Variants in EML5 observed in about 807,000 individuals in gnomAD.
EML5 encodes EMAP like 5.
A neutral mutation model predicts 250.0 loss-of-function variants in EML5; 120 were observed. The observed-to-expected ratio is 0.48, with a 90% confidence interval of 0.41 to 0.56. The LOEUF is 0.56. EML5 is among the 20% of genes least tolerant of loss of function. The pLI is 0.00. For missense variants in EML5, 2,006 were observed against 2,437.6 expected, an observed-to-expected ratio of 0.82 and a Z score of 3.73; for synonymous variants, 771 against 806.5, an observed-to-expected ratio of 0.96 and a Z score of 0.75.
intron 1 of EML5, among the ~76,000 whole-genome samples, chr14:88,775,505 G>A (rs1464753465): frequency 1.3e-5 from 2 of 151,862 alleles, no homozygotes; most frequent in Admixed American, 1.3e-4. Context: ...GTGGTGGCAG[G>A]CAGTGGCTGT....
At chr14:88,762,750 C>A (rs2094263448) in intron 1 of EML5, among the ~76,000 whole-genome samples, 2 of 152,090 alleles carry the variant, frequency 1.3e-5, no homozygotes, top group African/African-American at 4.8e-5. Context: ...TAATTGACCA[C>A]ATAATTGGAA....
intron 2 of EML5, among the ~76,000 whole-genome samples, chr14:88,752,036 T>C (rs1196084116): frequency 6.6e-6 from 1 of 152,216 alleles, no homozygotes; most frequent in Non-Finnish European, 1.5e-5. Context: ...TCAACACCTT[T>C]AGCTATTATG....
chr14:88,746,368 T>C lies in EML5; in HGVS notation c.358-85A>G. On this transcript the variant is annotated intron_variant, in intron 2 of 43. Coordinates refer to ENST00000554922, the MANE Select transcript of EML5 (RefSeq NM_183387.3). The stretch of plus-strand genomic sequence containing the variant: ...TGAATTACAAATAGCAAAGAAATTA[T>C]ACTCATGGGTTTTTATAAACATAAA... The C allele has an allele frequency of 8.3e-6, 9 of 1,089,238 alleles. 1 individual carries two copies. In the South Asian group the frequency reaches 1.1e-4, roughly 13 times the overall value. 67.5% of individuals were successfully genotyped at this position (1,089,238 alleles called of 1,614,324 possible). A position where few individuals can be genotyped will look rare whatever the true frequency, so the allele number is the denominator to read the frequency against.
chr14:88,789,882 T>C (rs1302481296), intron 1 of EML5, among the ~76,000 whole-genome samples: 1 of 152,226 alleles, frequency 6.6e-6, no homozygotes, highest in African/African-American at 2.4e-5. Flanking sequence ...CCAATAAGTT[T>C]TACATAAGTT....
chr14:88,738,591 C>A (rs2093881017), intron 6 of EML5, among the ~76,000 whole-genome samples: 1 of 152,034 alleles, frequency 6.6e-6, no homozygotes, highest in Non-Finnish European at 1.5e-5. Flanking sequence ...AAAATACTTT[C>A]AAAATCCAAA....
intron 1 of EML5, among the ~76,000 whole-genome samples, chr14:88,781,569 C>A (rs1289122498): frequency 6.6e-6 from 1 of 152,158 alleles, no homozygotes; most frequent in Admixed American, 6.5e-5. Flanking sequence ...TGTCCCCACC[C>A]AAATCTCACC....
In EML5 at chr14:88,715,049, C is replaced by T; in HGVS notation, c.1334G>A (p.Gly445Asp). The change falls in exon 9 of 44, where the codon GGC becomes GAC. Residue 445 changes from glycine to aspartate, a missense_variant. Around this residue, in one of 7 missense-constraint regions of EML5, gnomAD observed 1,375 missense variants for 1,590.3 expected, o/e 0.86. Coordinates refer to ENST00000554922, the MANE Select transcript of EML5 (RefSeq NM_183387.3). Reference protein sequence around the residue: ...YGVAQRYKKVGECLGSLSFIT... With the variant: ...YGVAQRYKKVDECLGSLSFIT... ...GAAACTAAGGGATCCCAAACACTCGCCAACTTTTTTATAACGCTGAGCAAC... is the reference window on the plus strand; with the variant it reads ...GAAACTAAGGGATCCCAAACACTCGTCAACTTTTTTATAACGCTGAGCAAC... 1 of 1,613,854 alleles carries T rather than the reference C, an allele frequency of 6.2e-7. No individual in the cohort carries two copies. Among genetic ancestry groups the T allele is most frequent in the Non-Finnish European group, 8.5e-7 (1 of 1,179,834 alleles).
Position 88,790,544 on chromosome 14 carries a change from C to T in EML5, c.197+1763G>A, listed in dbSNP as rs557707205. Among the ~76,000 whole-genome samples the T allele has an allele frequency of 2.0e-5, 3 of 152,270 alleles. No individual in the cohort carries two copies. The South Asian group carries it at 6.2e-4, about 32-fold the overall frequency. ...ATAAATCATATCTAGTTTCAGAAGACCTTAGTGCTATACTGCTCTCATAAC... is the reference window on the plus strand; with the variant it reads ...ATAAATCATATCTAGTTTCAGAAGATCTTAGTGCTATACTGCTCTCATAAC... On this transcript the variant is annotated intron_variant, in intron 1 of 43. Transcript: ENST00000554922.
At chr14:88,695,531 C>A in intron 15 of EML5, 77 bp from the exon 16 acceptor site, 1 of 1,280,822 alleles carries the variant, frequency 7.8e-7, no homozygotes, top group Non-Finnish European at 1.1e-6. Context: ...ATATTCTAAA[C>A]CCACATCCTA....
At chr14:88,764,777 TTTCTTC>T (rs575387399) in intron 1 of EML5, among the ~76,000 whole-genome samples, 1 of 152,212 alleles carries the variant, frequency 6.6e-6, no homozygotes, top group Admixed American at 6.5e-5. Flanking sequence ...GTATTTTCAC[TTTCTTC>T]TTCTTTTCAT....
intron 32 of EML5, among the ~76,000 whole-genome samples, chr14:88,638,432 C>T (rs983657547): frequency 1.1e-4 from 17 of 152,214 alleles, no homozygotes; most frequent in Admixed American, 9.8e-4. Flanking sequence ...TTCTACCCCG[C>T]CCAGTCTAGT....
intron 15 of EML5, 71 bp downstream of exon 15, chr14:88,696,776 G>A (rs1234623537): frequency 4.7e-6 from 5 of 1,063,060 alleles, no homozygotes; most frequent in Non-Finnish European, 6.8e-6. Context: ...AGGTAACACT[G>A]ACTTAGATTA....
chr14:88,620,266 T>G lies in EML5; in HGVS notation c.5375+488A>C, dbSNP rs562422231. 1 of 152,416 alleles carries G rather than the reference T, an allele frequency of 6.6e-6. No homozygotes were observed. The highest frequency in any genetic ancestry group is 2.4e-5 in the African/African-American group (1 of 41,470). The allele number at this position is 152,416 out of a possible 1,614,324, so 9.4% of individuals were successfully genotyped here. On this transcript the variant is annotated intron_variant, in intron 39 of 43. Transcript: ENST00000554922. The surrounding 1 kb of genome is among the most constrained non-coding windows in gnomAD (Gnocchi z 4.3). ...ATGGTAGCCACTGTTGAAAAATGCT[T>G]AAGCACTGAAAAACAAAGGTTTAAG...
chr14:88,628,908 C>T (rs1144917), intron 33 of EML5, among the ~76,000 whole-genome samples: 127,438 of 151,940 alleles, frequency 0.84, 53,956 homozygotes, highest in East Asian at 0.92. Context: ...CAAAACTACA[C>T]GGAAACATAC....
rs1232214468 is a variant in EML5 at position 88,792,264 on chromosome 14, AGCGGCTTGCAGGGTGACGGCG to A, written c.197+22_197+42del. On this transcript the variant is annotated intron_variant, in intron 1 of 43. Coordinates refer to ENST00000554922, the MANE Select transcript of EML5 (RefSeq NM_183387.3). The surrounding 1 kb of genome is among the most constrained non-coding windows in gnomAD (Gnocchi z 6.9). Reference sequence around the variant, plus strand: ...GGAACCCGCGGGTGCAAACTCCGGGAGCGGCTTGCAGGGTGACGGCGGCGGCCCCCGCTCCCCGGTACCTGA... The same window carrying A: ...GGAACCCGCGGGTGCAAACTCCGGGAGCGGCCCCCGCTCCCCGGTACCTGA... 1.3e-6 allele frequency: 2 copies of A among 1,529,616 alleles called. No individual in the cohort carries two copies. Among genetic ancestry groups the A allele is most frequent in the Admixed American group, 2.0e-5 (1 of 48,960 alleles). 94.8% of individuals were successfully genotyped at this position (1,529,616 alleles called of 1,614,324 possible).
intron 1 of EML5, among the ~76,000 whole-genome samples, chr14:88,772,841 C>G (rs1403395345): frequency 3.3e-5 from 5 of 152,188 alleles, no homozygotes; most frequent in African/African-American, 1.2e-4. Flanking sequence ...GCTACACTGG[C>G]CTTTCTATCC....
intron 10 of EML5, among the ~76,000 whole-genome samples, chr14:88,709,719 C>A (rs568430865): frequency 6.6e-6 from 1 of 152,272 alleles, no homozygotes; most frequent in South Asian, 2.1e-4. Context: ...TATTTCACTC[C>A]TTTGAGAAAC....
At chr14:88,777,686 A>G (rs1022986506) in intron 1 of EML5, among the ~76,000 whole-genome samples, 6 of 152,248 alleles carry the variant, frequency 3.9e-5, no homozygotes. Context: ...GTTAAAAAGC[A>G]GGAGGATGGG....
chr14:88,780,465 T>G (rs1305835328), intron 1 of EML5, among the ~76,000 whole-genome samples: 1 of 152,152 alleles, frequency 6.6e-6, no homozygotes, highest in African/African-American at 2.4e-5. Context: ...AGAAACAGAA[T>G]AGAATACATA....
Sources: gnomAD v4.1 joint callset for allele counts (sites outside exome capture counted in the v4.1 genomes callset) on GRCh38, gnomAD v4.1.1 for gene constraint, gnomAD v4.1.1 regional missense constraint, Gnocchi (gnomAD v3.1) non-coding constraint, MANE v1.5 for transcripts, NCBI Gene and HGNC (gene_info 2026-07-23, HGNC 2026-07-21) for gene names.